The following CASZ1 variants were observed in gnomAD, a reference collection of about 807,000 sequenced individuals.
CASZ1 encodes castor zinc finger 1.
Under a neutral mutation model 135.2 loss-of-function variants are expected in CASZ1, and 28 were observed. That is an observed-to-expected ratio of 0.21 (90% CI 0.15 to 0.28). The LOEUF is 0.28. Ranked by LOEUF, CASZ1 falls within the 10% of genes least tolerant of loss-of-function variation. CASZ1 has a pLI of 1.00. For synonymous variants in CASZ1, 1,068 were observed against 1,073.4 expected (o/e 0.99, Z 0.10); for missense variants, 2,161 against 2,453.3 (o/e 0.88, Z 2.52).
rs529063315 is a variant in CASZ1 at position 10,724,855 on chromosome 1, G to A, written c.-76-19311C>T. Among the ~76,000 whole-genome samples the A allele has an allele frequency of 1.4e-3, 217 of 152,344 alleles. 1 individual carries two copies. Among genetic ancestry groups the A allele is most frequent in the Non-Finnish European group, 2.6e-3 (179 of 68,028 alleles). On this transcript the variant is annotated intron_variant, in intron 2 of 20. Transcript: ENST00000377022. The surrounding 1 kb of genome is among the most constrained non-coding windows in gnomAD (Gnocchi z 4.1). ...AGGGGGACACAGCCAACCTGGGGAA[G>A]AGAAGGTGCTCAACTTCTCTCTTTC...
rs375995783 is a variant in CASZ1 at position 10,648,097 on chromosome 1, T to G, written c.3201A>C (p.Thr1067=). The G allele has an allele frequency of 7.0e-6, 11 of 1,563,132 alleles. No homozygotes were observed. In the African/African-American group the frequency reaches 1.5e-4, roughly 21 times the overall value. ...CGGCCGAGGCCGGAAAGGCAGCCTC[T>G]GTGTTTCCTTTTGCTGCTCCTCCCT... The part of the protein sequence containing the change: ...RTEGGAAKGN[T]EAAFPASAAE... Residue 1067 remains threonine, a synonymous_variant, in exon 16 of 21, where the codon ACA becomes ACC. Transcript: ENST00000377022.
Position 10,694,623 on chromosome 1 carries a change from C to A in CASZ1, c.-23-711G>T. 2 of 135,906 alleles carry A rather than the reference C, an allele frequency of 1.5e-5. No homozygotes were observed. Among genetic ancestry groups the A allele is most frequent in the South Asian group, 4.5e-4 (2 of 4,456 alleles). The allele number at this position is 135,906 out of a possible 1,614,324, so 8.4% of individuals were successfully genotyped here. ...CGCCGCCGCCGCCGCCGCCGCCGCCCGGTGCGCCCGCCCGCCGCCCGCCGC... is the reference window on the plus strand; with the variant it reads ...CGCCGCCGCCGCCGCCGCCGCCGCCAGGTGCGCCCGCCCGCCGCCCGCCGC... On this transcript the variant is annotated intron_variant, in intron 3 of 20. Coordinates refer to ENST00000377022, the MANE Select transcript of CASZ1 (RefSeq NM_001079843.3). This position sits in a 1 kb window ranked among gnomAD's most constrained non-coding sequence, Gnocchi z 6.6.
intron 2 of CASZ1, among the ~76,000 whole-genome samples, chr1:10,744,353 G>A (rs187420689): frequency 2.2e-4 from 33 of 151,694 alleles, no homozygotes; most frequent in Non-Finnish European, 3.4e-4. Context: ...ACGGCACCAC[G>A]AGCAGGCATG....
intron 1 of CASZ1, among the ~76,000 whole-genome samples, chr1:10,781,259 C>T (rs1640757899): frequency 6.6e-6 from 1 of 152,184 alleles, no homozygotes; most frequent in African/African-American, 2.4e-5. Context: ...AGGCCTTGTG[C>T]AATGACTCGG....
intron 1 of CASZ1, among the ~76,000 whole-genome samples, chr1:10,792,398 G>C (rs1171339860): frequency 6.0e-4 from 74 of 122,962 alleles, no homozygotes; most frequent in African/African-American, 2.3e-3. Flanking sequence ...GGGGTGTCCA[G>C]TTGAAAAAGT....
Position 10,638,780 on chromosome 1 carries a change from G to A in CASZ1, c.*162C>T, listed in dbSNP as rs1642082325. The stretch of plus-strand genomic sequence containing the variant: ...GCCACCGCCGCCGCCTGTGTCCTCG[G>A]CCGCGGAGCACCAGAGGGGTCCCCG... On this transcript the variant is annotated 3_prime_UTR_variant, in exon 21 of 21. Coordinates refer to ENST00000377022, the MANE Select transcript of CASZ1 (RefSeq NM_001079843.3). This position sits in a 1 kb window ranked among gnomAD's most constrained non-coding sequence, Gnocchi z 5.9. The A allele has an allele frequency of 4.4e-6, 3 of 688,716 alleles. No homozygotes were observed. Among genetic ancestry groups the A allele is most frequent in the Non-Finnish European group, 5.4e-6 (3 of 559,340 alleles). The allele number at this position is 688,716 out of a possible 1,614,324, so 42.7% of individuals were successfully genotyped here. A position where few individuals can be genotyped will look rare whatever the true frequency, so the allele number is the denominator to read the frequency against.
intron 4 of CASZ1, among the ~76,000 whole-genome samples, chr1:10,689,812 G>T (rs1325586169): frequency 6.6e-6 from 1 of 152,210 alleles, no homozygotes; most frequent in Non-Finnish European, 1.5e-5. Flanking sequence ...ACAAAATCAA[G>T]TTGGGAGTCA....
chr1:10,639,342 C>A lies in CASZ1; in HGVS notation c.4880G>T (p.Gly1627Val). The change falls in exon 21 of 21, where the codon GGC becomes GTC. Residue 1627 changes from glycine (G) to valine (V), a missense_variant. Gly to Val is a moderately radical substitution (Grantham distance 109). Coordinates refer to ENST00000377022, the MANE Select transcript of CASZ1 (RefSeq NM_001079843.3). This position sits in a 1 kb window ranked among gnomAD's most constrained non-coding sequence, Gnocchi z 4.0. ...CGCCGACTGCAGGAAGAGCAGCGAG[C>A]CCGGCTCGGCGCCCAGCGACAGGGA... ...DGSLSLGAEP[G>V]SLLFLQSAAA... is the part of the protein sequence containing the mutation. 6.7e-7 allele frequency: 1 copy of A among 1,503,672 alleles called. No homozygotes were observed. The highest frequency in any genetic ancestry group is 8.8e-7 in the Non-Finnish European group (1 of 1,132,066). 93.1% of individuals were successfully genotyped at this position (1,503,672 alleles called of 1,614,324 possible). A position where few individuals can be genotyped will look rare whatever the true frequency, so the allele number is the denominator to read the frequency against.
At chr1:10,702,596 C>T (rs1393299451) in intron 3 of CASZ1, among the ~76,000 whole-genome samples, 1 of 152,038 alleles carries the variant, frequency 6.6e-6, no homozygotes, top group African/African-American at 2.4e-5. Flanking sequence ...TGACCCGGGC[C>T]AGGGAGCTTG....
At chr1:10,763,082 C>T (rs1347984260) in intron 1 of CASZ1, among the ~76,000 whole-genome samples, 1 of 152,254 alleles carries the variant, frequency 6.6e-6, no homozygotes, top group Non-Finnish European at 1.5e-5. Flanking sequence ...GGCCTTGCTC[C>T]AGGATTGTCC....
At chr1:10,736,766 C>T (rs140938405) in intron 2 of CASZ1, among the ~76,000 whole-genome samples, 14 of 152,308 alleles carry the variant, frequency 9.2e-5, no homozygotes, top group Admixed American at 4.6e-4. Flanking sequence ...GGTCTAGTAG[C>T]GGACACAGGG....
At chr1:10,702,978 G>C (rs1235944927) in intron 3 of CASZ1, among the ~76,000 whole-genome samples, 1 of 152,010 alleles carries the variant, frequency 6.6e-6, no homozygotes, top group African/African-American at 2.4e-5. Flanking sequence ...GAGAGAGAGA[G>C]AGAGAGAGCG....
intron 4 of CASZ1, among the ~76,000 whole-genome samples, chr1:10,685,875 G>C (rs1638569872): frequency 1.3e-5 from 2 of 152,370 alleles, no homozygotes; most frequent in South Asian, 4.1e-4. Flanking sequence ...CGCTGGGAGA[G>C]AGGCACGTGC....
At position 10,660,248 on chromosome 1, in the gene CASZ1, A is replaced by G. The variant is rs138985539; in HGVS notation, c.794T>C (p.Val265Ala). The G allele has an allele frequency of 8.0e-3, 12,917 of 1,613,404 alleles. 68 individuals are homozygous for G. The highest frequency in any genetic ancestry group is 0.011 in the Middle Eastern group (69 of 6,058). Residue 265 changes from valine to alanine, a missense_variant, in exon 6 of 21, where the codon GTG becomes GCG. This residue lies in a region of CASZ1 where 590 missense variants were observed against 609.8 expected (regional missense o/e 0.97). Coordinates refer to ENST00000377022, the MANE Select transcript of CASZ1 (RefSeq NM_001079843.3). ...PAPSTKTEER[V>A]GKEVVGTLPG... ...CAGGGTGCCCACCACCTCCTTGCCC[A>G]CCCGCTCCTCGGTCTTGGTGCTGGG...
In CASZ1 at chr1:10,650,729, G is replaced by A. The variant is rs757821231; in HGVS notation, c.2843C>T (p.Pro948Leu). Residue 948 changes from proline (P) to leucine (L), a missense_variant, in exon 13 of 21, where the codon CCG becomes CTG. Around this residue, in one of 7 missense-constraint regions of CASZ1, gnomAD observed 406 missense variants for 387.6 expected, o/e 1.05. Transcript: ENST00000377022. The stretch of plus-strand genomic sequence containing the variant: ...CGAGGATAAAAGAGATGAATTTGCC[G>A]GGACTGCGTGGCCATTTGATTCGTT... Reference protein sequence around the residue: ...PSNESNGHAVPANSSLLSSLM... With the variant: ...PSNESNGHAVLANSSLLSSLM... The A allele has an allele frequency of 2.2e-5, 36 of 1,613,962 alleles. No homozygotes were observed. The highest frequency in any genetic ancestry group is 1.6e-4 in the Middle Eastern group (1 of 6,082).
At chr1:10,683,210 G>A (rs879330331) in intron 4 of CASZ1, among the ~76,000 whole-genome samples, 6 of 152,222 alleles carry the variant, frequency 3.9e-5, no homozygotes, top group South Asian at 4.1e-4. Context: ...ACTGCCCCAC[G>A]TTCCTTCCTC....
Position 10,794,894 on chromosome 1 carries a change from C to G in CASZ1, c.-234+1670G>C, listed in dbSNP as rs1462335570. On this transcript the variant is annotated intron_variant, in intron 1 of 20. Transcript: ENST00000377022. The surrounding 1 kb of genome is among the most constrained non-coding windows in gnomAD (Gnocchi z 5.6). ...AGCGGCCCAGCAACCGCCCGCCCGC[C>G]CGCGCCCGGCCAGCCCCCGCCAGCG... Among the ~76,000 whole-genome samples, 1 of 151,134 alleles carries G rather than the reference C, an allele frequency of 6.6e-6. No individual in the cohort carries two copies. Among genetic ancestry groups the G allele is most frequent in the Non-Finnish European group, 1.5e-5 (1 of 67,712 alleles).
At chr1:10,686,801 T>C (rs1462014179) in intron 4 of CASZ1, among the ~76,000 whole-genome samples, 3 of 152,158 alleles carry the variant, frequency 2.0e-5, no homozygotes, top group Non-Finnish European at 1.5e-5. Flanking sequence ...GTGGGGACGC[T>C]AGGCTGCCCC....
At position 10,747,938 on chromosome 1, in the gene CASZ1, T is replaced by A. The variant is rs934411379; in HGVS notation, c.-77+12763A>T. 2.0e-5 allele frequency among the ~76,000 whole-genome samples: 3 copies of A among 151,852 alleles called. No homozygotes were observed. Among genetic ancestry groups the A allele is most frequent in the Admixed American group, 6.6e-5 (1 of 15,230 alleles). ...TTCACGCCATTCTCCTGCCTCAGCC[T>A]CCTAAGTAGCTGGGACTAGAGGCAC... On this transcript the variant is annotated intron_variant, in intron 2 of 20. Transcript: ENST00000377022. The surrounding 1 kb of genome is among the most constrained non-coding windows in gnomAD (Gnocchi z 4.3).
Sources: gnomAD v4.1 joint callset for allele counts (sites outside exome capture counted in the v4.1 genomes callset) on GRCh38, gnomAD v4.1.1 for gene constraint, gnomAD v4.1.1 regional missense constraint, Gnocchi (gnomAD v3.1) non-coding constraint, MANE v1.5 for transcripts, NCBI Gene and HGNC (gene_info 2026-07-23, HGNC 2026-07-21) for gene names.